Variants in SPC25 observed in about 807,000 individuals in gnomAD.
SPC25 encodes the protein kinetochore protein Spc25.
Under a neutral mutation model 29.6 loss-of-function variants are expected in SPC25, and 22 were observed. The observed-to-expected ratio is 0.74, with a 90% CI of 0.53 to 1.06. The LOEUF is 1.06. Ranked by LOEUF, SPC25 falls within the 50% of genes least tolerant of loss-of-function variation. The pLI is 0.00. For missense variants in SPC25, 230 were observed against 255.8 expected (o/e 0.90, Z 0.69); for synonymous variants, 91 against 90.4 (o/e 1.01, Z -0.04).
intron 3 of SPC25, among the ~76,000 whole-genome samples, chr2:168,883,803 G>A (rs1250916064): frequency 1.4e-5 from 2 of 146,752 alleles, no homozygotes; most frequent in African/African-American, 2.5e-5. Context: ...ATGGAGTCTC[G>A]CTCTGTCGCC....
downstream of SPC25, among the ~76,000 whole-genome samples, chr2:168,866,006 A>C (rs948458251): frequency 6.6e-5 from 10 of 152,288 alleles, no homozygotes; most frequent in African/African-American, 2.2e-4. Flanking sequence ...TTCCATGCTC[A>C]TGGGTAGGAA....
chr2:168,872,045 C>T (rs1454725702), intron 6 of SPC25, among the ~76,000 whole-genome samples: 1 of 151,494 alleles, frequency 6.6e-6, no homozygotes, highest in Non-Finnish European at 1.5e-5. Context: ...GGTGAGATCC[C>T]AGCTCACTGC....
chr2:168,885,242 C>T (rs114242818), intron 3 of SPC25, among the ~76,000 whole-genome samples: 2,090 of 152,260 alleles, frequency 0.014, 42 homozygotes, highest in African/African-American at 0.048. Flanking sequence ...GATTCATACT[C>T]CATGTCAGAA....
At chr2:168,889,034 CATAT>C (rs796112468) in intron 3 of SPC25, among the ~76,000 whole-genome samples, 188 bp downstream of exon 3, 1,100 of 21,636 alleles carry the variant, frequency 0.051, 56 homozygotes, top group African/African-American at 0.12. Context: ...CATATATATA[CATAT>C]ATATATACAC....
intron 6 of SPC25, among the ~76,000 whole-genome samples, 198 bp from the exon 7 acceptor site, chr2:168,871,753 T>C (rs765204065): frequency 3.3e-5 from 5 of 152,168 alleles, no homozygotes; most frequent in African/African-American, 1.2e-4. Flanking sequence ...TCTCTAAATA[T>C]TCAAATCTTA....
chr2:168,865,147 T>C (rs1312434125), intron 4 of SPC25: 13 of 681,332 alleles, frequency 1.9e-5, no homozygotes, highest in Non-Finnish European at 2.9e-5. Context: ...AGAAAAAAGA[T>C]GGATGGGTGG....
At chr2:168,871,783 A>C (rs1269235563) in intron 6 of SPC25, among the ~76,000 whole-genome samples, 1 of 150,456 alleles carries the variant, frequency 6.6e-6, no homozygotes, top group East Asian at 2.2e-4. Context: ...ATCTTGCTTT[A>C]AATTTAAACA....
intron 4 of SPC25, chr2:168,864,959 A>G (rs1689770877): frequency 1.2e-6 from 2 of 1,614,122 alleles, no homozygotes; most frequent in Non-Finnish European, 1.7e-6. Context: ...CAACACAGCT[A>G]CAAAGGCATA....
chr2:168,877,860 C>T (rs2105827459), intron 3 of SPC25, among the ~76,000 whole-genome samples: 1 of 152,256 alleles, frequency 6.6e-6, no homozygotes, highest in South Asian at 2.1e-4. Context: ...GCACACACCA[C>T]ATCACGCCTG....
chr2:168,883,776 C>CTT (rs34748645), intron 3 of SPC25, among the ~76,000 whole-genome samples: 21 of 141,528 alleles, frequency 1.5e-4, no homozygotes, highest in Non-Finnish European at 2.8e-4. Flanking sequence ...ATTTTTTTTT[C>CTT]TTTTTTTTTT....
In SPC25 at chr2:168,871,550, C is replaced by A; in HGVS notation, c.556G>T (p.Asp186Tyr). 2 of 1,506,542 alleles carry A rather than the reference C, an allele frequency of 1.3e-6. No individual in the cohort carries two copies. The highest frequency in any genetic ancestry group is 1.8e-6 in the Non-Finnish European group (2 of 1,140,324). The allele number at this position is 1,506,542 out of a possible 1,614,324, so 93.3% of individuals were successfully genotyped here. The change falls in exon 7 of 7, where the codon GAT becomes TAT. Residue 186 changes from aspartate to tyrosine, a missense_variant. Coordinates refer to ENST00000282074, the MANE Select transcript of SPC25 (RefSeq NM_020675.4). ...LNEARDYEVSDSAPHLEGLAE... is the reference protein window; with the variant it reads ...LNEARDYEVSYSAPHLEGLAE... ...AGGCCCTCAAGATGAGGGGCACTATCTGACACTAGAAAAAAAAAAAAAAGA... is the reference window on the plus strand; with the variant it reads ...AGGCCCTCAAGATGAGGGGCACTATATGACACTAGAAAAAAAAAAAAAAGA...
intron 3 of SPC25, among the ~76,000 whole-genome samples, chr2:168,882,621 A>G (rs1276874351): frequency 2.0e-5 from 3 of 151,184 alleles, no homozygotes; most frequent in Non-Finnish European, 2.9e-5. Context: ...AAATAAATAA[A>G]TAAACAGACA....
At chr2:168,886,122 C>T (rs759137421) in intron 3 of SPC25, among the ~76,000 whole-genome samples, 23 of 143,864 alleles carry the variant, frequency 1.6e-4, no homozygotes, top group Admixed American at 5.7e-4. Flanking sequence ...GGCATGATCA[C>T]GGCTCACTGT....
rs1690107669 is a variant in SPC25 at position 168,877,448 on chromosome 2, G to A, written c.200-64C>T. The A allele has an allele frequency of 3.2e-6, 5 of 1,562,718 alleles. No individual in the cohort carries two copies. The East Asian group carries it at 1.1e-4, about 35-fold the overall frequency. ...CTCTCTGACATGTATCTAAGAAAAGGCCAAAGTTTACTGACTTTCATAAAG... is the reference window on the plus strand; with the variant it reads ...CTCTCTGACATGTATCTAAGAAAAGACCAAAGTTTACTGACTTTCATAAAG... On this transcript the variant is annotated intron_variant, in intron 3 of 6. Coordinates refer to ENST00000282074, the MANE Select transcript of SPC25 (RefSeq NM_020675.4).
chr2:168,863,990 A>C (rs1390517595), intron 4 of SPC25, among the ~76,000 whole-genome samples: 1 of 151,686 alleles, frequency 6.6e-6, no homozygotes, highest in East Asian at 1.9e-4. Flanking sequence ...AGCTCACTGC[A>C]ACCTCCGTCT....
intron 6 of SPC25, among the ~76,000 whole-genome samples, chr2:168,872,092 A>T (rs1690003751): frequency 6.6e-6 from 1 of 152,022 alleles, no homozygotes; most frequent in African/African-American, 2.4e-5. Context: ...CTTTTGCCTC[A>T]GCTTTCTGAG....
At chr2:168,864,083 T>C (rs1483466348) in intron 4 of SPC25, among the ~76,000 whole-genome samples, 1 of 152,082 alleles carries the variant, frequency 6.6e-6, no homozygotes, top group Non-Finnish European at 1.5e-5. Flanking sequence ...TTCTCCTGCC[T>C]CAGTCTCCCA....
At chr2:168,863,548 C>CTCTT (rs1419785039) in intron 4 of SPC25, 6 of 985,132 alleles carry the variant, frequency 6.1e-6, no homozygotes, top group Non-Finnish European at 7.2e-6. Flanking sequence ...CTATGGAATT[C>CTCTT]TCTTTATTTG....
intron 6 of SPC25, among the ~76,000 whole-genome samples, chr2:168,872,588 A>C (rs1361577151): frequency 6.6e-6 from 1 of 152,206 alleles, no homozygotes; most frequent in African/African-American, 2.4e-5. Flanking sequence ...GCAGAGAAAC[A>C]ACAGCAAAGG....
Sources: gnomAD v4.1 joint callset for allele counts (sites outside exome capture counted in the v4.1 genomes callset) on GRCh38, gnomAD v4.1.1 for gene constraint, MANE v1.5 for transcripts, NCBI Gene and HGNC (gene_info 2026-07-23, HGNC 2026-07-21) for gene names.